ZNF532: variants seen among roughly 807,000 people sequenced by gnomAD.
ZNF532 encodes the protein zinc finger protein 532.
Under a neutral mutation model 89.3 loss-of-function variants are expected in ZNF532, and 22 were observed. The observed-to-expected ratio is 0.25, with a 90% CI of 0.18 to 0.35. The LOEUF (loss-of-function observed/expected upper bound fraction) is 0.35. Among genes scored for constraint, ZNF532 ranks in the 10% least tolerant of loss-of-function variants. ZNF532 has a pLI of 1.00. For missense variants in ZNF532, 1,132 were observed against 1,643.4 expected (o/e 0.69, Z 5.38); for synonymous variants, 606 against 649.6 (o/e 0.93, Z 1.02).
At chr18:58,930,922 A>G (rs1714276634) in intron 3 of ZNF532, among the ~76,000 whole-genome samples, 1 of 152,200 alleles carries the variant, frequency 6.6e-6, no homozygotes, top group Admixed American at 6.5e-5. Context: ...TTGAATACAT[A>G]GATGCAGAAC....
At chr18:58,940,958 A>ACACACACACACACACTCTCTCTCT (rs1209329621) in intron 5 of ZNF532, among the ~76,000 whole-genome samples, 1 of 131,706 alleles carries the variant, frequency 7.6e-6, no homozygotes, top group African/African-American at 2.8e-5. Flanking sequence ...ACACACACAC[A>ACACACACACACACACTCTCTCTCT]CTCTTTCTCT....
intron 7 of ZNF532, among the ~76,000 whole-genome samples, chr18:58,978,209 T>TA (rs2067279155): frequency 6.6e-6 from 1 of 152,200 alleles, no homozygotes; most frequent in African/African-American, 2.4e-5. Context: ...CCCCTAAGTA[T>TA]ACCAGCAGGC....
chr18:58,943,612 G>A (rs563781131), intron 5 of ZNF532, among the ~76,000 whole-genome samples: 4 of 152,116 alleles, frequency 2.6e-5, no homozygotes, highest in African/African-American at 4.8e-5. Context: ...ACAGGCACGC[G>A]CCACCATGTC....
rs750726730 is a variant in ZNF532, at chr18:58,919,988, G to C, written c.1701G>C (p.Val567=). ...CAGCCTCGCAACCCCCCAAAAAGGT[G>C]TCTCGAGTCCAGGTGGTGTCGTCCT... ...NAAASQPPKK[V]SRVQVVSSLQ... Residue 567 remains valine (V), a synonymous_variant, in exon 3 of 10, where the codon GTG becomes GTC. Coordinates refer to ENST00000591808, the MANE Select transcript of ZNF532 (RefSeq NM_001375912.1). This position sits in a 1 kb window ranked among gnomAD's most constrained non-coding sequence, Gnocchi z 6.1. 6.2e-6 allele frequency: 10 copies of C among 1,613,618 alleles called. No individual in the cohort carries two copies. The African/African-American group carries it at 1.3e-4, about 22-fold the overall frequency.
chr18:58,983,096 C>T (rs534480152), intron 9 of ZNF532, among the ~76,000 whole-genome samples: 20 of 152,098 alleles, frequency 1.3e-4, no homozygotes, highest in East Asian at 7.7e-4. Context: ...TGGGCAATAG[C>T]GCGAGACTCC....
At chr18:58,973,168 T>C (rs1209246255) in intron 7 of ZNF532, among the ~76,000 whole-genome samples, 5 of 152,246 alleles carry the variant, frequency 3.3e-5, no homozygotes, top group Non-Finnish European at 5.9e-5. Flanking sequence ...AGTGGCACTA[T>C]CTCTGCTCAC....
chr18:58,931,784 A>C (rs915794337), intron 3 of ZNF532: 4 of 152,128 alleles, frequency 2.6e-5, no homozygotes, highest in African/African-American at 9.7e-5. Flanking sequence ...AAAAAAAAAA[A>C]AGAACATTGG....
intron 2 of ZNF532, among the ~76,000 whole-genome samples, chr18:58,888,091 T>C (rs974705247): frequency 6.8e-4 from 104 of 152,348 alleles, no homozygotes; most frequent in African/African-American, 2.4e-3. Context: ...ATCTAAATTA[T>C]GAAAACTTGA....
chr18:58,917,827 T>C (rs1462049943), intron 2 of ZNF532, among the ~76,000 whole-genome samples: 1 of 152,120 alleles, frequency 6.6e-6, no homozygotes, highest in Non-Finnish European at 1.5e-5. Flanking sequence ...TTGATTGTGG[T>C]ATGTTTCTTT....
In ZNF532 at chr18:58,899,543, A is replaced by G. The variant is rs1039411651; in HGVS notation, c.-17-18728A>G. Among the ~76,000 whole-genome samples the G allele has an allele frequency of 3.9e-5, 6 of 152,062 alleles. No individual in the cohort carries two copies. In the East Asian group the frequency reaches 1.2e-3, roughly 29 times the overall value. ...GAGTGCAGTGGCGCGATCTTGACTCACTGCAACCTCTGCCTCCCGGGTTCA... is the reference window on the plus strand; with the variant it reads ...GAGTGCAGTGGCGCGATCTTGACTCGCTGCAACCTCTGCCTCCCGGGTTCA... On this transcript the variant is annotated intron_variant, in intron 2 of 9. Transcript: ENST00000591808.
rs527892478 is a variant in ZNF532 at position 58,954,706 on chromosome 18, T to C, written c.3150+907T>C. Among the ~76,000 whole-genome samples, 123 of 146,510 alleles carry C rather than the reference T, an allele frequency of 8.4e-4. 4 individuals are homozygous for C. The East Asian group carries it at 0.018, about 22-fold the overall frequency. ...TGACACTAGGAACCAACATGGAATT[T>C]GCTACTTTTTTTTTTTTTTTTTTTG... On this transcript the variant is annotated intron_variant, in intron 7 of 9. Transcript: ENST00000591808.
At chr18:58,873,664 C>G (rs912943430) in intron 2 of ZNF532, among the ~76,000 whole-genome samples, 1 of 152,038 alleles carries the variant, frequency 6.6e-6, no homozygotes, top group African/African-American at 2.4e-5. Flanking sequence ...ATGTCTCTAT[C>G]TCCTGACCTC....
chr18:58,973,971 A>G (rs1189671265), intron 7 of ZNF532, among the ~76,000 whole-genome samples: 1 of 152,202 alleles, frequency 6.6e-6, no homozygotes, highest in East Asian at 1.9e-4. Context: ...CTGGCTGCTA[A>G]GAGCGGGGTC....
Position 58,902,585 on chromosome 18 carries a change from C to T in ZNF532, c.-17-15686C>T, listed in dbSNP as rs545480999. ...TCGACTCACTGCAGCCTCCACCTCC[C>T]GGGTTCAAGCGATTCTCCTGCCTCA... On this transcript the variant is annotated intron_variant, in intron 2 of 9. Transcript: ENST00000591808. 1.3e-4 allele frequency among the ~76,000 whole-genome samples: 19 copies of T among 151,752 alleles called. No homozygotes were observed. The East Asian group carries it at 3.3e-3, about 26-fold the overall frequency.
At position 58,888,827 on chromosome 18, in the gene ZNF532, AT is replaced by A. The variant is rs1204136039; in HGVS notation, c.-18+23250del. Among the ~76,000 whole-genome samples, 6 of 17,176 alleles carry A rather than the reference AT, an allele frequency of 3.5e-4. 1 individual carries two copies. The highest frequency in any genetic ancestry group is 1.6e-3 in the African/African-American group (5 of 3,140). The allele number at this position is 17,176 out of a possible 152,430, so 11.3% of individuals were successfully genotyped here. A position where few individuals can be genotyped will look rare whatever the true frequency, so the allele number is the denominator to read the frequency against. ...TATATATAAAAAATTATATATATAA[AT>A]TATATATATAATTTATATATATATA... is the stretch of plus-strand genomic sequence containing the variant. On this transcript the variant is annotated intron_variant, in intron 2 of 9. Coordinates refer to ENST00000591808, the MANE Select transcript of ZNF532 (RefSeq NM_001375912.1).
chr18:58,984,011 G>T lies in ZNF532; in HGVS notation c.3451G>T (p.Glu1151Ter). ...PKRKLEEPVL[E>*]FRPPRGAITQ... ...GCGGAAGTTGGAAGAACCAGTTCTG[G>T]AGTTCAGGCCTCCCCGAGGAGCAAT... Residue 1151 changes from glutamate (E) to a stop codon, truncating the protein, a stop_gained, in exon 10 of 10, where the codon GAG becomes TAG. Coordinates refer to ENST00000591808, the MANE Select transcript of ZNF532 (RefSeq NM_001375912.1). LOFTEE classifies it high-confidence loss of function. 1 of 1,611,598 alleles carries T rather than the reference G, an allele frequency of 6.2e-7. No homozygotes were observed. The highest frequency in any genetic ancestry group is 8.5e-7 in the Non-Finnish European group (1 of 1,179,746).
At chr18:58,951,694 A>T (rs537250122) in intron 6 of ZNF532, among the ~76,000 whole-genome samples, 1 of 119,990 alleles carries the variant, frequency 8.3e-6, no homozygotes, top group African/African-American at 3.3e-5. Flanking sequence ...CCGTCGCCCA[A>T]GCTGGAGTGC....
At chr18:58,937,199 T>C (rs1013164614) in intron 4 of ZNF532, among the ~76,000 whole-genome samples, 2 of 152,208 alleles carry the variant, frequency 1.3e-5, no homozygotes, top group African/African-American at 4.8e-5. Flanking sequence ...CTATCCAGAA[T>C]AGGACTTCAG....
intron 7 of ZNF532, among the ~76,000 whole-genome samples, chr18:58,968,383 G>T (rs1024175192): frequency 2.6e-5 from 4 of 152,192 alleles, no homozygotes; most frequent in African/African-American, 9.6e-5. Flanking sequence ...TTCCAGCTCG[G>T]CTTCCAGTGC....
Sources: allele counts gnomAD v4.1 joint callset (sites outside exome capture counted in the v4.1 genomes callset), GRCh38; gene constraint gnomAD v4.1.1; non-coding constraint Gnocchi (gnomAD v3.1); transcripts MANE v1.5; gene names NCBI Gene and HGNC (gene_info 2026-07-23, HGNC 2026-07-21).